Variants in DCC observed in about 807,000 individuals in gnomAD.
The protein encoded by DCC is DCC netrin 1 receptor.
In DCC, 58 loss-of-function variants were observed where a neutral mutation model predicts 172.5. The ratio of observed to expected loss-of-function variants is 0.34; its 90% CI spans 0.27 to 0.42. The LOEUF is 0.42. DCC is among the 10% of genes least tolerant of loss of function. DCC has a pLI of 1.00. For synonymous variants in DCC, 709 were observed against 644.5 expected (o/e 1.10, Z -1.52); for missense variants, 1,740 against 1,791.0 (o/e 0.97, Z 0.51).
chr18:52,907,708 C>T (rs1048805285), intron 3 of DCC, among the ~76,000 whole-genome samples: 92 of 152,290 alleles, frequency 6.0e-4, no homozygotes, highest in African/African-American at 2.1e-3. Context: ...AGGCGTGAGC[C>T]ACTGTGCCCA....
chr18:52,435,842 T>A (rs935058119), intron 1 of DCC, among the ~76,000 whole-genome samples: 16 of 152,294 alleles, frequency 1.1e-4, no homozygotes, highest in African/African-American at 3.4e-4. Flanking sequence ...TCAGTTTCTA[T>A]CTGTGAGTGA....
At chr18:52,364,712 A>T (rs780997124) in intron 1 of DCC, among the ~76,000 whole-genome samples, 15 of 152,060 alleles carry the variant, frequency 9.9e-5, no homozygotes, top group Non-Finnish European at 1.5e-4. Flanking sequence ...TACTCTTCTC[A>T]CCTGTTGCTT....
chr18:52,921,347 A>G (rs934889521), intron 3 of DCC, among the ~76,000 whole-genome samples: 1 of 151,360 alleles, frequency 6.6e-6, no homozygotes, highest in Non-Finnish European at 1.5e-5. Context: ...AATTTTAAAT[A>G]AAATATTAAA....
At chr18:53,287,839 A>G (rs1028292949) in intron 12 of DCC, among the ~76,000 whole-genome samples, 1 of 152,176 alleles carries the variant, frequency 6.6e-6, no homozygotes, top group South Asian at 2.1e-4. Flanking sequence ...CATTTTATTG[A>G]TAACAAAAGA....
At chr18:53,128,787 C>T (rs938918588) in intron 7 of DCC, among the ~76,000 whole-genome samples, 10 of 145,846 alleles carry the variant, frequency 6.9e-5, no homozygotes, top group African/African-American at 2.5e-4. Flanking sequence ...AATGTTAGTA[C>T]TTACTTTTAA....
At chr18:52,474,101 T>C (rs947138862) in intron 1 of DCC, among the ~76,000 whole-genome samples, 1 of 152,134 alleles carries the variant, frequency 6.6e-6, no homozygotes, top group African/African-American at 2.4e-5. Flanking sequence ...ATAAATCATA[T>C]TGAACCCTCA....
chr18:52,566,236 A>G (rs2033157082), intron 1 of DCC, among the ~76,000 whole-genome samples: 1 of 152,118 alleles, frequency 6.6e-6, no homozygotes, highest in African/African-American at 2.4e-5. Context: ...GAAACTGGAA[A>G]CCATAATTCT....
In DCC at chr18:52,511,322, C is replaced by T. The variant is rs146824247; in HGVS notation, c.91+170444C>T. 2.0e-5 allele frequency among the ~76,000 whole-genome samples: 3 copies of T among 150,718 alleles called. No individual in the cohort carries two copies. In the East Asian group the frequency reaches 5.8e-4, roughly 29 times the overall value. On this transcript the variant is annotated intron_variant, in intron 1 of 28. Transcript: ENST00000442544. ...AAGAAAGAAAGAAAAATCTAGGAGA[C>T]CTTAGAGCCTGGTTTGATAAGGGGA...
At chr18:53,077,061 TGGTGTTTACA>T (rs1257392732) in intron 7 of DCC, among the ~76,000 whole-genome samples, 4 of 151,294 alleles carry the variant, frequency 2.6e-5, no homozygotes, top group African/African-American at 9.8e-5. Context: ...TTATACAATC[TGGTGTTTACA>T]GGGGATTCAA....
intron 1 of DCC, among the ~76,000 whole-genome samples, chr18:52,734,151 T>G (rs2036689385): frequency 6.6e-6 from 1 of 152,066 alleles, no homozygotes; most frequent in African/African-American, 2.4e-5. Flanking sequence ...TTATTTTTAT[T>G]TTTTAAACTT....
At chr18:52,964,467 C>T (rs35196449) in intron 5 of DCC, among the ~76,000 whole-genome samples, 32,888 of 151,876 alleles carry the variant, frequency 0.22, 3,863 homozygotes, top group South Asian at 0.41. Flanking sequence ...CTTTTTTAAT[C>T]TCAATTTTTT....
intron 12 of DCC, among the ~76,000 whole-genome samples, chr18:53,273,664 T>C (rs1413713842): frequency 6.6e-6 from 1 of 152,106 alleles, no homozygotes; most frequent in Non-Finnish European, 1.5e-5. Flanking sequence ...ATTGAAAATA[T>C]TGTTCTTCTA....
chr18:52,912,963 TA>T (rs2039992169), intron 3 of DCC, among the ~76,000 whole-genome samples: 1 of 152,102 alleles, frequency 6.6e-6, no homozygotes, highest in Non-Finnish European at 1.5e-5. Context: ...GAGATTGTTC[TA>T]TTTTTAGATT....
At chr18:52,532,710 A>T (rs1416438779) in intron 1 of DCC, among the ~76,000 whole-genome samples, 1 of 151,886 alleles carries the variant, frequency 6.6e-6, no homozygotes, top group Non-Finnish European at 1.5e-5. Flanking sequence ...CTGTCTATAA[A>T]CTGTTTTTTT....
chr18:53,377,450 A>G (rs1907391112), intron 15 of DCC, among the ~76,000 whole-genome samples: 1 of 151,948 alleles, frequency 6.6e-6, no homozygotes, highest in Non-Finnish European at 1.5e-5. Flanking sequence ...TACTCCACTC[A>G]TACAATAGCA....
intron 12 of DCC, among the ~76,000 whole-genome samples, chr18:53,240,791 A>G (rs2056280614): frequency 6.6e-6 from 1 of 152,196 alleles, no homozygotes; most frequent in South Asian, 2.1e-4. Context: ...GGCTATGGCT[A>G]CACTCACAAA....
intron 1 of DCC, among the ~76,000 whole-genome samples, chr18:52,380,099 A>G (rs1291894955): frequency 6.6e-6 from 1 of 152,022 alleles, no homozygotes; most frequent in African/African-American, 2.4e-5. Context: ...GAAAAGGCAA[A>G]ATGGACCTAA....
intron 27 of DCC, among the ~76,000 whole-genome samples, chr18:53,499,877 T>G (rs2046075117): frequency 6.6e-6 from 1 of 152,196 alleles, no homozygotes; most frequent in African/African-American, 2.4e-5. Flanking sequence ...CAAGACTAGA[T>G]GTAAAGGTAT....
chr18:52,625,249 A>G (rs1483152739), intron 1 of DCC, among the ~76,000 whole-genome samples: 3 of 152,182 alleles, frequency 2.0e-5, no homozygotes. Context: ...AAATTTAGAG[A>G]AGAGAGAAAT....
Sources: allele counts gnomAD v4.1 joint callset (sites outside exome capture counted in the v4.1 genomes callset), GRCh38; gene constraint gnomAD v4.1.1; transcripts MANE v1.5; gene names NCBI Gene and HGNC (gene_info 2026-07-23, HGNC 2026-07-21).